OSBPL10: variants seen among roughly 807,000 people sequenced by gnomAD.
OSBPL10 encodes oxysterol-binding protein-related protein 10.
OSBPL10 carries 49 observed loss-of-function variants against 81.7 expected under a neutral mutation model. The ratio of observed to expected loss-of-function variants is 0.60; its 90% CI spans 0.48 to 0.76. The LOEUF (loss-of-function observed/expected upper bound fraction) is 0.76, where lower values mean the gene tolerates loss of function less well. Ranked by LOEUF, OSBPL10 falls within the 30% of genes least tolerant of loss-of-function variation. The pLI is 0.00. For synonymous variants in OSBPL10, 419 were observed against 383.6 expected, an observed-to-expected ratio of 1.09 and a Z score of -1.08; for missense variants, 923 against 987.8, an observed-to-expected ratio of 0.93 and a Z score of 0.88.
intron 1 of OSBPL10, among the ~76,000 whole-genome samples, chr3:31,882,632 T>G (rs528196630): frequency 3.3e-5 from 5 of 152,170 alleles, no homozygotes; most frequent in African/African-American, 1.2e-4. Flanking sequence ...CTTTTTGAGC[T>G]TTAGCCAATA....
intron 1 of OSBPL10, among the ~76,000 whole-genome samples, chr3:31,886,481 G>C (rs1182141323): frequency 6.6e-6 from 1 of 152,184 alleles, no homozygotes. Context: ...CAGCTTCATG[G>C]AGAGGGTGGA....
chr3:31,707,061 G>T (rs1696094585), intron 6 of OSBPL10: 1 of 150,128 alleles, frequency 6.7e-6, no homozygotes, highest in South Asian at 2.1e-4. Flanking sequence ...TCCTTTATTT[G>T]TACATGGCCT....
intron 4 of OSBPL10, among the ~76,000 whole-genome samples, chr3:31,813,448 G>A (rs76426366): frequency 6.7e-6 from 1 of 150,130 alleles, no homozygotes; most frequent in African/African-American, 2.5e-5. Flanking sequence ...TGGTTTTTTT[G>A]TTTGTTTGTT....
At chr3:31,783,111 T>TTATATATATATATATATATATATATATA (rs56846176) in intron 4 of OSBPL10, among the ~76,000 whole-genome samples, 1 of 121,690 alleles carries the variant, frequency 8.2e-6, no homozygotes, top group Non-Finnish European at 1.6e-5. Context: ...AATATATCTA[T>TTATATATATATATATATATATATATATA]TATATATATA....
At chr3:31,903,710 A>T (rs935191399) in intron 1 of OSBPL10, among the ~76,000 whole-genome samples, 2 of 152,144 alleles carry the variant, frequency 1.3e-5, no homozygotes, top group Non-Finnish European at 2.9e-5. Context: ...CAGCAGAGGC[A>T]ATAGGAGCCC....
At chr3:31,867,746 A>AAAGGAAGGGAGGAAGG (rs1559498208) in intron 3 of OSBPL10, among the ~76,000 whole-genome samples, 2 of 142,152 alleles carry the variant, frequency 1.4e-5, no homozygotes, top group South Asian at 2.6e-4. Flanking sequence ...GAAGAAAGAG[A>AAAGGAAGGGAGGAAGG]AAGGAAGGGA....
rs1011076318 is a variant in OSBPL10 at position 31,746,481 on chromosome 3, C to A, written c.940+1429G>T. On this transcript the variant is annotated intron_variant, in intron 5 of 11. Transcript: ENST00000396556. ...ATCACCTGAGGTTGGGAGTTCAAGA[C>A]CAGCCTGAACAACGTGGAGAAACCC... is the stretch of plus-strand genomic sequence containing the variant. Among the ~76,000 whole-genome samples, 6 of 152,026 alleles carry A rather than the reference C, an allele frequency of 3.9e-5. No homozygotes were observed. In the East Asian group the frequency reaches 1.2e-3, roughly 29 times the overall value.
At chr3:32,004,615 T>A (rs1699185255) in intron 2 of OSBPL10, among the ~76,000 whole-genome samples, 1 of 152,222 alleles carries the variant, frequency 6.6e-6, no homozygotes, top group Non-Finnish European at 1.5e-5. Context: ...TTTGGAGGAA[T>A]GTATAAACTG....
At chr3:31,958,975 T>C (rs998887600) in intron 1 of OSBPL10, among the ~76,000 whole-genome samples, 34 of 152,122 alleles carry the variant, frequency 2.2e-4, no homozygotes, top group Non-Finnish European at 2.2e-4. Flanking sequence ...TAATGCACCA[T>C]GGAAGAGACT....
chr3:32,048,310 A>ATTTT (rs71068027), intron 1 of OSBPL10, among the ~76,000 whole-genome samples: 73 of 134,596 alleles, frequency 5.4e-4, no homozygotes, highest in African/African-American at 1.8e-3. Flanking sequence ...CACTACTACT[A>ATTTT]TTTTTTTTTT....
chr3:31,785,946 A>C (rs1698850437), intron 4 of OSBPL10, among the ~76,000 whole-genome samples: 1 of 152,146 alleles, frequency 6.6e-6, no homozygotes, highest in African/African-American at 2.4e-5. Flanking sequence ...CTCCACCTCA[A>C]TTGCTCATCA....
chr3:32,036,505 A>G (rs1009374600), intron 2 of OSBPL10, among the ~76,000 whole-genome samples: 1 of 152,162 alleles, frequency 6.6e-6, no homozygotes, highest in African/African-American at 2.4e-5. Flanking sequence ...CAAATAAAAA[A>G]TCCTTAGATT....
At chr3:31,699,724 A>G (rs1695836855) in intron 7 of OSBPL10, among the ~76,000 whole-genome samples, 1 of 152,258 alleles carries the variant, frequency 6.6e-6, no homozygotes, top group African/African-American at 2.4e-5. Context: ...TGGTAACCAC[A>G]GTGAACCATC....
chr3:31,917,360 G>A (rs1244672252), intron 1 of OSBPL10, among the ~76,000 whole-genome samples: 3 of 152,072 alleles, frequency 2.0e-5, no homozygotes, highest in Non-Finnish European at 2.9e-5. Context: ...TGTGAAAAAT[G>A]AAAAGAATAA....
At chr3:31,960,948 G>A (rs1698142591) in intron 1 of OSBPL10, among the ~76,000 whole-genome samples, 1 of 151,644 alleles carries the variant, frequency 6.6e-6, no homozygotes, top group Non-Finnish European at 1.5e-5. Context: ...CAAACTGCTT[G>A]AACCTCAAAG....
chr3:31,848,142 G>A (rs2125569574), intron 3 of OSBPL10, among the ~76,000 whole-genome samples: 1 of 152,212 alleles, frequency 6.6e-6, no homozygotes, highest in Non-Finnish European at 1.5e-5. Context: ...GGGGACACCT[G>A]CCCTGAAGCT....
At chr3:32,016,605 A>T (rs1699315279) in intron 2 of OSBPL10, among the ~76,000 whole-genome samples, 1 of 152,204 alleles carries the variant, frequency 6.6e-6, no homozygotes, top group Admixed American at 6.6e-5. Context: ...TTTAGAAAAA[A>T]ATAAAAGGGT....
intron 8 of OSBPL10, among the ~76,000 whole-genome samples, chr3:31,679,561 G>A (rs1381387471): frequency 1.3e-5 from 2 of 152,200 alleles, no homozygotes; most frequent in African/African-American, 4.8e-5. Flanking sequence ...TGTAGAAAAT[G>A]TGTAAGGAAT....
At chr3:31,672,013 C>T (rs1700334428) in intron 8 of OSBPL10, among the ~76,000 whole-genome samples, 1 of 152,060 alleles carries the variant, frequency 6.6e-6, no homozygotes, top group Admixed American at 6.5e-5. Flanking sequence ...CCAGGCCTCA[C>T]TCTAGGGTTG....
Sources: gnomAD v4.1 joint callset for allele counts (sites outside exome capture counted in the v4.1 genomes callset) on GRCh38, gnomAD v4.1.1 for gene constraint, MANE v1.5 for transcripts, NCBI Gene and HGNC (gene_info 2026-07-23, HGNC 2026-07-21) for gene names.